Variants in KCNH7 observed in about 807,000 individuals in gnomAD.
KCNH7 encodes the protein voltage-gated inwardly rectifying potassium channel KCNH7.
In KCNH7, 49 loss-of-function variants were observed where a neutral mutation model predicts 120.8. The observed-to-expected ratio is 0.41, with a 90% CI of 0.32 to 0.51. The LOEUF (loss-of-function observed/expected upper bound fraction) is 0.51. Ranked by LOEUF, KCNH7 falls within the 20% of genes least tolerant of loss-of-function variation. KCNH7 has a pLI of 0.38. For missense variants in KCNH7, 1,097 were observed against 1,446.6 expected, an observed-to-expected ratio of 0.76 and a Z score of 3.92; for synonymous variants, 547 against 516.1, an observed-to-expected ratio of 1.06 and a Z score of -0.81.
intron 2 of KCNH7, among the ~76,000 whole-genome samples, chr2:162,540,143 T>TA (rs1356195320): frequency 6.6e-6 from 1 of 152,024 alleles, no homozygotes; most frequent in African/African-American, 2.4e-5. Context: ...TAAACAAATC[T>TA]AAAAAAATTT....
chr2:162,612,423 A>T (rs1180922623), intron 2 of KCNH7, among the ~76,000 whole-genome samples: 2 of 152,136 alleles, frequency 1.3e-5, no homozygotes, highest in African/African-American at 4.8e-5. Flanking sequence ...TAAAAATTAC[A>T]CATTTTTAAT....
At chr2:162,585,493 C>A (rs545719926) in intron 2 of KCNH7, among the ~76,000 whole-genome samples, 1 of 152,052 alleles carries the variant, frequency 6.6e-6, no homozygotes, top group African/African-American at 2.4e-5. Flanking sequence ...CCTAATCTTT[C>A]CAAACTGGGA....
intron 2 of KCNH7, among the ~76,000 whole-genome samples, chr2:162,807,256 C>CAAA (rs745345993): frequency 0.014 from 218 of 15,598 alleles, 8 homozygotes; most frequent in East Asian, 0.1. Context: ...ACTAAAAATA[C>CAAA]AAAAAAAAAA....
At chr2:162,837,932 A>G (rs1685718569) in intron 1 of KCNH7, among the ~76,000 whole-genome samples, 1 of 152,212 alleles carries the variant, frequency 6.6e-6, no homozygotes, top group South Asian at 2.1e-4. Context: ...GCATTGATTC[A>G]ATACAAAATT....
intron 5 of KCNH7, among the ~76,000 whole-genome samples, chr2:162,505,755 T>A (rs1008552852): frequency 2.6e-5 from 4 of 151,954 alleles, no homozygotes; most frequent in African/African-American, 9.7e-5. Flanking sequence ...ACAAATTCCA[T>A]CAATAAACTT....
chr2:162,803,960 A>C (rs1403976452), intron 2 of KCNH7, among the ~76,000 whole-genome samples: 1 of 151,834 alleles, frequency 6.6e-6, no homozygotes, highest in Non-Finnish European at 1.5e-5. Flanking sequence ...GTATTTTAAA[A>C]TCATATTAAC....
intron 9 of KCNH7, among the ~76,000 whole-genome samples, chr2:162,413,787 A>C (rs12996481): frequency 6.6e-6 from 1 of 151,978 alleles, no homozygotes; most frequent in African/African-American, 2.4e-5. Flanking sequence ...TTAAAAAAAA[A>C]CAGCAATGTT....
At chr2:162,582,063 T>C (rs1429685776) in intron 2 of KCNH7, among the ~76,000 whole-genome samples, 3 of 152,128 alleles carry the variant, frequency 2.0e-5, no homozygotes, top group African/African-American at 7.2e-5. Context: ...TGAAGTGCGA[T>C]TTAGACAGGG....
At chr2:162,819,276 T>A (rs1158664016) in intron 2 of KCNH7, among the ~76,000 whole-genome samples, 1 of 152,196 alleles carries the variant, frequency 6.6e-6, no homozygotes, top group Non-Finnish European at 1.5e-5. Flanking sequence ...AAGAATTTCC[T>A]TATTATTAGA....
intron 2 of KCNH7, among the ~76,000 whole-genome samples, chr2:162,731,071 C>T (rs186907535): frequency 1.9e-4 from 29 of 151,490 alleles, no homozygotes; most frequent in African/African-American, 7.0e-4. Context: ...GTAAGAGAAA[C>T]AGTTGGGGAA....
intron 2 of KCNH7, among the ~76,000 whole-genome samples, chr2:162,686,506 G>T (rs1272270555): frequency 2.0e-5 from 3 of 152,046 alleles, no homozygotes; most frequent in Non-Finnish European, 4.4e-5. Flanking sequence ...GTCATGGTTT[G>T]GTCATAAGGG....
chr2:162,820,658 C>T (rs908057109), intron 2 of KCNH7, among the ~76,000 whole-genome samples: 4 of 152,110 alleles, frequency 2.6e-5, no homozygotes, highest in Non-Finnish European at 5.9e-5. Context: ...TGTAACTCTG[C>T]AAAAGCTAAA....
intron 2 of KCNH7, among the ~76,000 whole-genome samples, chr2:162,581,487 G>A (rs187663740): frequency 2.6e-5 from 4 of 152,030 alleles, no homozygotes; most frequent in South Asian, 2.1e-4. Context: ...GGGCACATTC[G>A]TTTGGAGGTG....
At chr2:162,764,280 C>T (rs1036190220) in intron 2 of KCNH7, among the ~76,000 whole-genome samples, 2 of 152,064 alleles carry the variant, frequency 1.3e-5, no homozygotes, top group Non-Finnish European at 2.9e-5. Context: ...AGCCATCATG[C>T]TTTGATTTTA....
intron 7 of KCNH7, among the ~76,000 whole-genome samples, chr2:162,442,751 G>A (rs1028091218): frequency 6.6e-6 from 1 of 152,088 alleles, no homozygotes; most frequent in African/African-American, 2.4e-5. Flanking sequence ...CAGCTCCTCA[G>A]GGGGGTGAGG....
intron 2 of KCNH7, among the ~76,000 whole-genome samples, chr2:162,687,639 A>G (rs1685943501): frequency 6.6e-6 from 1 of 152,126 alleles, no homozygotes; most frequent in African/African-American, 2.4e-5. Context: ...CAAATGCTAC[A>G]AATCACAACT....
At chr2:162,387,625 C>T (rs145625966) in intron 12 of KCNH7, among the ~76,000 whole-genome samples, 2 of 151,744 alleles carry the variant, frequency 1.3e-5, no homozygotes, top group African/African-American at 2.4e-5. Context: ...AGATTTGCTT[C>T]TGATTCAGAA....
At chr2:162,756,615 C>T (rs1008516198) in intron 2 of KCNH7, among the ~76,000 whole-genome samples, 7 of 152,046 alleles carry the variant, frequency 4.6e-5, no homozygotes, top group African/African-American at 1.7e-4. Flanking sequence ...CAGGGACCTG[C>T]CACCATGCCT....
At chr2:162,418,966 G>T (rs1367631179) in intron 9 of KCNH7, among the ~76,000 whole-genome samples, 2 of 151,692 alleles carry the variant, frequency 1.3e-5, no homozygotes, top group Admixed American at 6.6e-5. Context: ...AAGCTAACTC[G>T]ATTAAAAGCT....
Sources: gnomAD v4.1 joint callset for allele counts (sites outside exome capture counted in the v4.1 genomes callset) on GRCh38, gnomAD v4.1.1 for gene constraint, MANE v1.5 for transcripts, NCBI Gene and HGNC (gene_info 2026-07-23, HGNC 2026-07-21) for gene names.